Variants in MIS18A observed in about 807,000 individuals in gnomAD.
The protein encoded by MIS18A is protein Mis18-alpha.
Under a neutral mutation model 25.0 loss-of-function variants are expected in MIS18A, and 14 were observed. That is an observed-to-expected ratio of 0.56 (90% confidence interval 0.37 to 0.88). The LOEUF is 0.88. MIS18A is among the 40% of genes least tolerant of loss of function. The pLI, the probability that MIS18A is intolerant of heterozygous loss-of-function variation, is 0.00. For missense variants in MIS18A, 292 were observed against 290.8 expected (o/e 1.00, Z -0.03); for synonymous variants, 134 against 118.6 (o/e 1.13, Z -0.84).
the MIS18A span, among the ~76,000 whole-genome samples, chr21:32,248,884 A>G: frequency 6.6e-6 from 1 of 152,246 alleles, no homozygotes; most frequent in African/African-American, 2.4e-5. Flanking sequence ...TGTTAGGAAC[A>G]GTAAACTTGC....
At position 32,278,902 on chromosome 21, in the gene MIS18A, T is replaced by C; in HGVS notation, c.113A>G (p.Asp38Gly). 6.2e-7 allele frequency: 1 copy of C among 1,613,462 alleles called. No homozygotes were observed. The highest frequency in any genetic ancestry group is 8.5e-7 in the Non-Finnish European group (1 of 1,179,960). ...CTGCAACAGCTGGTGGCGGCTCGAG[T>C]CTTCGGAGAGTCTCTTGCCCAACAG... is the stretch of plus-strand genomic sequence containing the variant. The part of the protein sequence containing the change: ...SSLLGKRLSE[D>G]SSRHQLLQKW... The change falls in exon 1 of 5, where the codon GAC becomes GGC. Residue 38 changes from aspartate to glycine, a missense_variant. Coordinates refer to ENST00000290130, the MANE Select transcript of MIS18A (RefSeq NM_018944.3).
chr21:32,204,937 T>C, the MIS18A span, among the ~76,000 whole-genome samples: 1 of 152,020 alleles, frequency 6.6e-6, no homozygotes, highest in Admixed American at 6.6e-5. Flanking sequence ...ACTATAACTA[T>C]CAACAATGAA....
chr21:32,274,892 A>T lies in MIS18A; in HGVS notation c.339T>A (p.Val113=). The change falls in exon 2 of 5, where the codon GTT becomes GTA. Residue 113 remains valine, a synonymous_variant. Coordinates refer to ENST00000290130, the MANE Select transcript of MIS18A (RefSeq NM_018944.3). ...CCTTATCCACAGAAACATTACAGGA[A>T]ACACCTAGAAACAGAGAAAGTAACA... is the stretch of plus-strand genomic sequence containing the variant. ...EDTNCILLRC[V]SCNVSVDKEQ... 1 of 1,609,016 alleles carries T rather than the reference A, an allele frequency of 6.2e-7. No homozygotes were observed. The highest frequency in any genetic ancestry group is 8.5e-7 in the Non-Finnish European group (1 of 1,176,378).
the MIS18A span, among the ~76,000 whole-genome samples, chr21:32,235,784 A>C: frequency 2.0e-5 from 3 of 152,134 alleles, no homozygotes; most frequent in African/African-American, 7.2e-5. Flanking sequence ...GCCTGTCCTC[A>C]ACCCACCATG....
the MIS18A span, among the ~76,000 whole-genome samples, chr21:32,177,730 A>G: frequency 2.6e-5 from 4 of 152,118 alleles, no homozygotes; most frequent in Admixed American, 6.6e-5. Flanking sequence ...AAATTTTTCT[A>G]TACAGAAACT....
chr21:32,209,168 C>T, the MIS18A span, among the ~76,000 whole-genome samples: 3 of 148,890 alleles, frequency 2.0e-5, no homozygotes, highest in Admixed American at 6.6e-5. Flanking sequence ...AAAAAAAAAT[C>T]AGAATCATGG....
At chr21:32,212,311 C>T in the MIS18A span, among the ~76,000 whole-genome samples, 5 of 152,286 alleles carry the variant, frequency 3.3e-5, no homozygotes, top group African/African-American at 7.2e-5. Context: ...GTCATGCCTC[C>T]GTCCTCCTAC....
the MIS18A span, among the ~76,000 whole-genome samples, chr21:32,238,368 A>T: frequency 1.3e-5 from 2 of 152,158 alleles, no homozygotes; most frequent in Non-Finnish European, 2.9e-5. Context: ...TCTCTCAGGG[A>T]TCCAGGATAC....
At chr21:32,247,546 A>G in the MIS18A span, among the ~76,000 whole-genome samples, 1 of 152,176 alleles carries the variant, frequency 6.6e-6, no homozygotes, top group Non-Finnish European at 1.5e-5. Flanking sequence ...CATATGTTAA[A>G]GTCCTAACCC....
At chr21:32,270,756 G>A (rs1467255614) in intron 2 of MIS18A, among the ~76,000 whole-genome samples, 6 of 152,164 alleles carry the variant, frequency 3.9e-5, no homozygotes, top group Non-Finnish European at 7.3e-5. Flanking sequence ...ACAAAAAAGT[G>A]ACAAGAGAGA....
chr21:32,268,635 G>C lies in MIS18A; in HGVS notation c.*402C>G, dbSNP rs1244642233. Reference sequence around the variant, plus strand: ...AAATAGTAAATAAATGTGATACAGAGGAAAAAAAGTTCAGAAAATTATCCC... The same window carrying C: ...AAATAGTAAATAAATGTGATACAGACGAAAAAAAGTTCAGAAAATTATCCC... On this transcript the variant is annotated 3_prime_UTR_variant, in exon 5 of 5. Transcript: ENST00000290130. 1 of 153,312 alleles carries C rather than the reference G, an allele frequency of 6.5e-6. No individual in the cohort carries two copies. Among genetic ancestry groups the C allele is most frequent in the African/African-American group, 2.4e-5 (1 of 41,416 alleles). 9.5% of individuals were successfully genotyped at this position (153,312 alleles called of 1,614,324 possible).
chr21:32,217,379 G>T, the MIS18A span, among the ~76,000 whole-genome samples: 1 of 152,216 alleles, frequency 6.6e-6, no homozygotes, highest in African/African-American at 2.4e-5. Context: ...GCAGACTTGA[G>T]CTGGCAGAAG....
the MIS18A span, among the ~76,000 whole-genome samples, chr21:32,197,051 C>T: frequency 1.3e-5 from 2 of 152,040 alleles, no homozygotes; most frequent in South Asian, 2.1e-4. Context: ...AAAATAAAGA[C>T]CTATTGAGAA....
chr21:32,200,987 G>T, the MIS18A span, among the ~76,000 whole-genome samples: 1 of 152,098 alleles, frequency 6.6e-6, no homozygotes, highest in African/African-American at 2.4e-5. Context: ...CCTGAGGCTG[G>T]GTAATTTATA....
chr21:32,172,137 A>G, the MIS18A span, among the ~76,000 whole-genome samples: 5 of 152,112 alleles, frequency 3.3e-5, no homozygotes, highest in African/African-American at 9.7e-5. Flanking sequence ...AAGACACATG[A>G]TAACAAGTGT....
chr21:32,156,256 A>G, the MIS18A span, among the ~76,000 whole-genome samples: 2 of 152,246 alleles, frequency 1.3e-5, no homozygotes, highest in Admixed American at 6.5e-5. Flanking sequence ...ATTAGGTAGC[A>G]AGATTTTATG....
chr21:32,273,407 C>G (rs2031750067), intron 2 of MIS18A, among the ~76,000 whole-genome samples: 1 of 151,982 alleles, frequency 6.6e-6, no homozygotes, highest in African/African-American at 2.4e-5. Flanking sequence ...TCCTTCTGGC[C>G]CCCAATCCTG....
At chr21:32,269,309 G>A (rs980880862) in intron 4 of MIS18A, among the ~76,000 whole-genome samples, 192 bp from the exon 5 acceptor site, 1 of 152,136 alleles carries the variant, frequency 6.6e-6, no homozygotes, top group African/African-American at 2.4e-5. Flanking sequence ...TCTATCAACA[G>A]TAGTTCTCAA....
the MIS18A span, among the ~76,000 whole-genome samples, chr21:32,206,320 T>C: frequency 6.6e-6 from 1 of 152,120 alleles, no homozygotes; most frequent in Admixed American, 6.5e-5. Context: ...CTCTGACAGC[T>C]CTCTCCAAAA....
Sources: gnomAD v4.1 joint callset for allele counts (sites outside exome capture counted in the v4.1 genomes callset) on GRCh38, gnomAD v4.1.1 for gene constraint, MANE v1.5 for transcripts, NCBI Gene and HGNC (gene_info 2026-07-23, HGNC 2026-07-21) for gene names.